GALNT18: variants seen among roughly 807,000 people sequenced by gnomAD.
GALNT18 encodes polypeptide N-acetylgalactosaminyltransferase 18.
GALNT18 carries 44 observed loss-of-function variants against 69.5 expected under a neutral mutation model. That is an observed-to-expected ratio of 0.63 (90% CI 0.50 to 0.81). The LOEUF is 0.81. Among genes scored for constraint, GALNT18 ranks in the 40% least tolerant of loss-of-function variants. The pLI is 0.00. For missense variants in GALNT18, 715 were observed against 810.0 expected, an observed-to-expected ratio of 0.88 and a Z score of 1.42; for synonymous variants, 364 against 318.2, an observed-to-expected ratio of 1.14 and a Z score of -1.53.
At chr11:11,456,013 CAGG>C (rs1228627716) in intron 1 of GALNT18, among the ~76,000 whole-genome samples, 1 of 152,184 alleles carries the variant, frequency 6.6e-6, no homozygotes, top group Non-Finnish European at 1.5e-5. Context: ...CACTTCAGCC[CAGG>C]AGGTCGAGGC....
At chr11:11,580,642 AC>A (rs1565025025) in intron 1 of GALNT18, among the ~76,000 whole-genome samples, 1 of 152,256 alleles carries the variant, frequency 6.6e-6, no homozygotes, top group South Asian at 2.1e-4. Flanking sequence ...AGAACACCCA[AC>A]CAATCTGAAC....
At chr11:11,278,650 T>TA (rs200022552) in intron 10 of GALNT18, among the ~76,000 whole-genome samples, 95 of 149,272 alleles carry the variant, frequency 6.4e-4, no homozygotes, top group African/African-American at 1.0e-3. Flanking sequence ...GAGTTAAAAT[T>TA]AAAAAAAAAA....
intron 1 of GALNT18, among the ~76,000 whole-genome samples, chr11:11,599,928 C>A (rs961192943): frequency 2.0e-5 from 3 of 151,950 alleles, no homozygotes; most frequent in Non-Finnish European, 2.9e-5. Context: ...ATCTTTAACT[C>A]TACTTCTTGA....
chr11:11,510,323 C>T (rs958705069), intron 1 of GALNT18, among the ~76,000 whole-genome samples: 2 of 152,196 alleles, frequency 1.3e-5, no homozygotes, highest in African/African-American at 4.8e-5. Flanking sequence ...TATACTCTCC[C>T]AGGGGCCCTG....
intron 9 of GALNT18, among the ~76,000 whole-genome samples, chr11:11,300,545 G>C (rs2133016109): frequency 6.6e-6 from 1 of 152,294 alleles, no homozygotes; most frequent in African/African-American, 2.4e-5. Flanking sequence ...TCTCTGAGGG[G>C]CTGGGGGACA....
intron 9 of GALNT18, among the ~76,000 whole-genome samples, chr11:11,296,170 G>A (rs1849397501): frequency 6.6e-6 from 1 of 152,142 alleles, no homozygotes; most frequent in Non-Finnish European, 1.5e-5. Flanking sequence ...TCCCTGTCCT[G>A]GAGAAGCCAT....
At chr11:11,388,734 A>G (rs10765845) in intron 3 of GALNT18, among the ~76,000 whole-genome samples, 88,746 of 152,098 alleles carry the variant, frequency 0.58, 26,617 homozygotes, top group East Asian at 0.91. Context: ...CCTACACCAC[A>G]TAATGTGCAC....
chr11:11,579,255 C>T (rs1859011490), intron 1 of GALNT18, among the ~76,000 whole-genome samples: 3 of 152,132 alleles, frequency 2.0e-5, no homozygotes, highest in Admixed American at 1.3e-4. Context: ...ACTGAGCCAC[C>T]CTGGTCTGCT....
At chr11:11,429,318 C>G (rs1855212538) in intron 3 of GALNT18, among the ~76,000 whole-genome samples, 1 of 152,240 alleles carries the variant, frequency 6.6e-6, no homozygotes, top group South Asian at 2.1e-4. Context: ...CGCTCTTCCT[C>G]CCGATGCCTA....
rs1850039376 is a variant in GALNT18 at position 11,332,722 on chromosome 11, A to C, written c.1388T>G (p.Met463Arg). The change falls in exon 8 of 11, where the codon ATG becomes AGG. Residue 463 changes from methionine (M) to arginine (R), a missense_variant. Transcript: ENST00000227756. The surrounding 1 kb of genome is among the most constrained non-coding windows in gnomAD (Gnocchi z 4.3). ...TCCATAGGCAATGATGTCGGAGTAC[A>C]TCCTCATCTCTGGGTACACGCTGAC... is the stretch of plus-strand genomic sequence containing the variant. ...YLVSVYPEMR[M>R]YSDIIAYGVL... The C allele has an allele frequency of 1.2e-6, 2 of 1,614,116 alleles. No individual in the cohort carries two copies. The highest frequency in any genetic ancestry group is 1.7e-5 in the Admixed American group (1 of 60,024).
chr11:11,599,749 TTC>T (rs1179349723), intron 1 of GALNT18, among the ~76,000 whole-genome samples: 11 of 151,968 alleles, frequency 7.2e-5, no homozygotes, highest in African/African-American at 2.2e-4. Context: ...TTTTTAACAT[TTC>T]TTTTTTCCCA....
intron 10 of GALNT18, among the ~76,000 whole-genome samples, chr11:11,273,738 C>T (rs1190096778): frequency 6.6e-6 from 1 of 152,236 alleles, no homozygotes; most frequent in Non-Finnish European, 1.5e-5. Context: ...GAGATATCTG[C>T]ACTCCCATGT....
At position 11,590,755 on chromosome 11, in the gene GALNT18, A is replaced by G. The variant is rs1466094632; in HGVS notation, c.235+30604T>C. On this transcript the variant is annotated intron_variant, in intron 1 of 10. Coordinates refer to ENST00000227756, the MANE Select transcript of GALNT18 (RefSeq NM_198516.3). This position sits in a 1 kb window ranked among gnomAD's most constrained non-coding sequence, Gnocchi z 4.4. ...TGGAGCCCAAAAATTCCTATTGCCT[A>G]GTAACATCACAGCCATCCTTATGTC... 2.0e-5 allele frequency among the ~76,000 whole-genome samples: 3 copies of G among 152,198 alleles called. No individual in the cohort carries two copies. The East Asian group carries it at 5.8e-4, about 29-fold the overall frequency.
At position 11,377,102 on chromosome 11, in the gene GALNT18, G is replaced by T; in HGVS notation, c.977+80C>A. 1 of 1,365,644 alleles carries T rather than the reference G, an allele frequency of 7.3e-7. No individual in the cohort carries two copies. The highest frequency in any genetic ancestry group is 1.0e-6 in the Non-Finnish European group (1 of 970,700). The allele number at this position is 1,365,644 out of a possible 1,614,324, so 84.6% of individuals were successfully genotyped here. A position where few individuals can be genotyped will look rare whatever the true frequency, so the allele number is the denominator to read the frequency against. ...CATCCCCACGATGGGGCTCAAGTTGGAGAATAAGCATTGGACCAGTAGGCG... is the reference window on the plus strand; with the variant it reads ...CATCCCCACGATGGGGCTCAAGTTGTAGAATAAGCATTGGACCAGTAGGCG... On this transcript the variant is annotated intron_variant, in intron 5 of 10. Transcript: ENST00000227756. This position sits in a 1 kb window ranked among gnomAD's most constrained non-coding sequence, Gnocchi z 4.6.
At chr11:11,313,457 G>T (rs746305314) in intron 9 of GALNT18, among the ~76,000 whole-genome samples, 13 of 152,140 alleles carry the variant, frequency 8.5e-5, no homozygotes, top group Non-Finnish European at 1.8e-4. Context: ...AGTATGCCTG[G>T]GTAGTTGACT....
intron 1 of GALNT18, among the ~76,000 whole-genome samples, chr11:11,535,192 T>C (rs10831635): frequency 0.071 from 10,844 of 152,304 alleles, 408 homozygotes; most frequent in African/African-American, 0.085. Flanking sequence ...GAACAGCTGC[T>C]GGTGAGGCAG....
At chr11:11,388,837 C>T (rs1854113583) in intron 3 of GALNT18, among the ~76,000 whole-genome samples, 1 of 152,240 alleles carries the variant, frequency 6.6e-6, no homozygotes, top group Admixed American at 6.5e-5. Context: ...AAGAGCCTCA[C>T]CTCGTTACCA....
chr11:11,340,004 T>C lies in GALNT18; in HGVS notation c.1278+815A>G, dbSNP rs143796919. Reference sequence around the variant, plus strand: ...GGAAAGAATGAGGTCATGTAGTCAATAGCTCTGATAGCTCTGTCTCACACA... The same window carrying C: ...GGAAAGAATGAGGTCATGTAGTCAACAGCTCTGATAGCTCTGTCTCACACA... On this transcript the variant is annotated intron_variant, in intron 7 of 10. Coordinates refer to ENST00000227756, the MANE Select transcript of GALNT18 (RefSeq NM_198516.3). The surrounding 1 kb of genome is among the most constrained non-coding windows in gnomAD (Gnocchi z 4.2). Among the ~76,000 whole-genome samples, 44 of 152,286 alleles carry C rather than the reference T, an allele frequency of 2.9e-4. 1 individual carries two copies. Among genetic ancestry groups the C allele is most frequent in the Non-Finnish European group, 5.7e-4 (39 of 68,030 alleles).
chr11:11,502,239 C>A (rs1856988489), intron 1 of GALNT18, among the ~76,000 whole-genome samples: 1 of 152,160 alleles, frequency 6.6e-6, no homozygotes. Context: ...CTCCTGGGGC[C>A]CCTTGCAAAC....
Sources: allele counts gnomAD v4.1 joint callset (sites outside exome capture counted in the v4.1 genomes callset), GRCh38; gene constraint gnomAD v4.1.1; non-coding constraint Gnocchi (gnomAD v3.1); transcripts MANE v1.5; gene names NCBI Gene and HGNC (gene_info 2026-07-23, HGNC 2026-07-21).